TPTE: variants seen among roughly 807,000 people sequenced by gnomAD.
TPTE encodes the protein transmembrane phosphatase with tensin homology, also known as putative tyrosine-protein phosphatase TPTE.
Under a neutral mutation model 84.1 loss-of-function variants are expected in TPTE, and 59 were observed. That is an observed-to-expected ratio of 0.70 (90% CI 0.57 to 0.87). TPTE has a LOEUF of 0.87. Ranked by LOEUF, TPTE falls within the 40% of genes least tolerant of loss-of-function variation. The probability of loss-of-function intolerance (pLI) is 0.00; values close to 1 mark genes in which losing one functional copy is unlikely to be tolerated. For missense variants in TPTE, 382 were observed against 659.6 expected, an observed-to-expected ratio of 0.58 and a Z score of 4.61; for synonymous variants, 130 against 223.5, an observed-to-expected ratio of 0.58 and a Z score of 3.73.
intron 17 of TPTE, among the ~76,000 whole-genome samples, chr21:10,589,959 C>G (rs1310372647): frequency 6.6e-6 from 1 of 152,312 alleles, no homozygotes; most frequent in Non-Finnish European, 1.5e-5. Context: ...TCCTTGCATC[C>G]TTAAGAGAAA....
At chr21:10,574,708 A>T (rs1456835940) in intron 14 of TPTE, among the ~76,000 whole-genome samples, 8 of 152,404 alleles carry the variant, frequency 5.2e-5, no homozygotes, top group Admixed American at 6.5e-5. Flanking sequence ...AGGAACCCCC[A>T]CTCCCAGCCA....
chr21:10,531,687 T>A (rs977976427), intron 3 of TPTE, among the ~76,000 whole-genome samples: 13 of 152,310 alleles, frequency 8.5e-5, no homozygotes, highest in Non-Finnish European at 1.8e-4. Context: ...TTGGCATTGT[T>A]GTTCTTCATT....
At chr21:10,546,885 C>T (rs1430647582) in intron 7 of TPTE, among the ~76,000 whole-genome samples, 13 of 152,308 alleles carry the variant, frequency 8.5e-5, no homozygotes, top group African/African-American at 2.9e-4. Context: ...GGTAAACAGC[C>T]AGTGCCGATG....
chr21:10,542,342 A>G lies in TPTE; in HGVS notation c.66-53A>G, dbSNP rs1158535089. On this transcript the variant is annotated intron_variant, in intron 5 of 23. Transcript: ENST00000618007. ...TAATGAAAGGTAATTTTTCCAAAATATAAATTCAGAATTATGTCTCCTCTC... is the reference window on the plus strand; with the variant it reads ...TAATGAAAGGTAATTTTTCCAAAATGTAAATTCAGAATTATGTCTCCTCTC... 1.2e-5 allele frequency: 19 copies of G among 1,598,694 alleles called. No homozygotes were observed. In the African/African-American group the frequency reaches 2.0e-4, roughly 17 times the overall value.
rs1295929541 is a variant in TPTE at position 10,595,607 on chromosome 21, C to A, written c.1171-375C>A. Among the ~76,000 whole-genome samples the A allele has an allele frequency of 1.1e-4, 17 of 152,328 alleles. No individual in the cohort carries two copies. In the East Asian group the frequency reaches 3.3e-3, roughly 30 times the overall value. Reference sequence around the variant, plus strand: ...TTTTCACTTATACCATTCTCTCATGCCCAGGAAGCTGCTCATCACCAAACC... The same window carrying A: ...TTTTCACTTATACCATTCTCTCATGACCAGGAAGCTGCTCATCACCAAACC... On this transcript the variant is annotated intron_variant, in intron 19 of 23. Coordinates refer to ENST00000618007, the MANE Select transcript of TPTE (RefSeq NM_199261.4).
Position 10,541,124 on chromosome 21 carries a change from TG to T in TPTE, c.25del (p.Asp9ThrfsTer52), listed in dbSNP as rs1361703761. 6.2e-7 allele frequency: 1 copy of T among 1,613,206 alleles called. No individual in the cohort carries two copies. The highest frequency in any genetic ancestry group is 8.5e-7 in the Non-Finnish European group (1 of 1,179,328). The stretch of plus-strand genomic sequence containing the variant: ...ATTTGTCCTTTAGTCCTGATCCGAC[TG>T]ACCTGGCGGGAGTCATCATTGAGCT... MNESPDPT[D>X]LAGVIIELGP... On this transcript the variant is annotated frameshift_variant, in exon 5 of 24. Transcript: ENST00000618007. LOFTEE classifies it high-confidence loss of function.
intron 10 of TPTE, among the ~76,000 whole-genome samples, chr21:10,566,892 G>A (rs1458588349): frequency 1.3e-5 from 2 of 152,104 alleles, no homozygotes; most frequent in Non-Finnish European, 2.9e-5. Context: ...CAGGAGAATC[G>A]CTTGAACCCA....
chr21:10,551,493 A>C (rs1431137352), intron 7 of TPTE, among the ~76,000 whole-genome samples: 27 of 152,416 alleles, frequency 1.8e-4, no homozygotes, highest in African/African-American at 6.3e-4. Context: ...AAAACTTTCA[A>C]ATAAACCACT....
At chr21:10,541,527 A>G (rs527949091) in intron 5 of TPTE, among the ~76,000 whole-genome samples, 29 of 152,422 alleles carry the variant, frequency 1.9e-4, no homozygotes, top group African/African-American at 6.7e-4. Flanking sequence ...TGACAGAGAA[A>G]GAGACCGAGA....
At chr21:10,527,883 G>A (rs1366140186) in intron 3 of TPTE, among the ~76,000 whole-genome samples, 2 of 152,308 alleles carry the variant, frequency 1.3e-5, no homozygotes, top group Non-Finnish European at 2.9e-5. Context: ...CTCATGAAGA[G>A]CATGAAGGTG....
intron 19 of TPTE, 49 bp downstream of exon 19, chr21:10,592,422 G>A (rs1460307939): frequency 8.8e-6 from 14 of 1,598,672 alleles, no homozygotes; most frequent in Non-Finnish European, 1.1e-5. Flanking sequence ...TGTGGGTTCA[G>A]ATTGCCACCT....
intron 21 of TPTE, among the ~76,000 whole-genome samples, chr21:10,599,799 TTTAGTTAGTTAG>T (rs71217978): frequency 4.1e-4 from 61 of 150,226 alleles, no homozygotes; most frequent in East Asian, 2.6e-3. Context: ...ACAACTCTAA[TTTAGTTAGTTAG>T]TTAGTTAGTT....
At chr21:10,560,261 TTA>T (rs2074770776) in intron 9 of TPTE, among the ~76,000 whole-genome samples, 1 of 152,306 alleles carries the variant, frequency 6.6e-6, no homozygotes, top group Non-Finnish European at 1.5e-5. Flanking sequence ...TGGAAACAAT[TTA>T]CTTAGACTCT....
At chr21:10,554,993 T>C (rs1474054368) in intron 8 of TPTE, among the ~76,000 whole-genome samples, 1 of 152,306 alleles carries the variant, frequency 6.6e-6, no homozygotes, top group Admixed American at 6.5e-5. Context: ...CCCCAGAGTC[T>C]GCACAAGAGA....
chr21:10,599,578 ATAAG>A (rs1482639366), intron 21 of TPTE, among the ~76,000 whole-genome samples: 2 of 152,296 alleles, frequency 1.3e-5, no homozygotes, highest in Non-Finnish European at 2.9e-5. Flanking sequence ...AAATCACTAA[ATAAG>A]TGTTATATGT....
At chr21:10,577,957 AT>A (rs1485597647) in intron 15 of TPTE, among the ~76,000 whole-genome samples, 1 of 152,312 alleles carries the variant, frequency 6.6e-6, no homozygotes, top group Non-Finnish European at 1.5e-5. Context: ...ACCCAGTTTA[AT>A]ACCCTGTCTC....
In TPTE at chr21:10,525,566, G is replaced by A. The variant is rs549241811; in HGVS notation, c.-102+878G>A. Among the ~76,000 whole-genome samples, 48 of 152,402 alleles carry A rather than the reference G, an allele frequency of 3.1e-4. No homozygotes were observed. The South Asian group carries it at 4.4e-3, about 14-fold the overall frequency. ...ATCTGTATGTGTGGCAGATTTGGTC[G>A]GAGACCTACTTTTCATTATAACCTG... On this transcript the variant is annotated intron_variant, in intron 2 of 23. Coordinates refer to ENST00000618007, the MANE Select transcript of TPTE (RefSeq NM_199261.4).
intron 10 of TPTE, among the ~76,000 whole-genome samples, chr21:10,566,502 TG>T (rs1181193613): frequency 2.0e-5 from 3 of 152,308 alleles, no homozygotes; most frequent in Non-Finnish European, 4.4e-5. Flanking sequence ...ATCCCACTGC[TG>T]GGTAGATACC....
Position 10,597,979 on chromosome 21 carries a change from C to T in TPTE, c.1277-36C>T, listed in dbSNP as rs369581015. 878 of 1,607,940 alleles carry T rather than the reference C, an allele frequency of 5.5e-4. No homozygotes were observed. The African/African-American group carries it at 5.6e-3, about 10-fold the overall frequency. On this transcript the variant is annotated intron_variant, in intron 20 of 23. Transcript: ENST00000618007. ...TGAGACATATTGATGTTCACGCTAGCCAACCTAACTTTTTAATTTCATTTT... is the reference window on the plus strand; with the variant it reads ...TGAGACATATTGATGTTCACGCTAGTCAACCTAACTTTTTAATTTCATTTT...
Sources: allele counts gnomAD v4.1 joint callset (sites outside exome capture counted in the v4.1 genomes callset), GRCh38; gene constraint gnomAD v4.1.1; transcripts MANE v1.5; gene names NCBI Gene and HGNC (gene_info 2026-07-23, HGNC 2026-07-21).